The following TDP1 variants were observed in gnomAD, a reference collection of about 807,000 sequenced individuals.
TDP1 encodes the protein tyrosyl-DNA phosphodiesterase 1.
Under a neutral mutation model 81.5 loss-of-function variants are expected in TDP1, and 64 were observed. That is an observed-to-expected ratio of 0.79 (90% CI 0.64 to 0.97). The LOEUF is 0.97. Ranked by LOEUF, TDP1 falls within the 50% of genes least tolerant of loss-of-function variation. The probability of loss-of-function intolerance (pLI) is 0.00; values close to 1 mark genes in which losing one functional copy is unlikely to be tolerated. For missense variants in TDP1, 723 were observed against 743.8 expected, an observed-to-expected ratio of 0.97 and a Z score of 0.33; for synonymous variants, 256 against 264.3, an observed-to-expected ratio of 0.97 and a Z score of 0.30.
At chr14:90,038,251 T>C (rs1888015456) in intron 16 of TDP1, among the ~76,000 whole-genome samples, 1 of 152,134 alleles carries the variant, frequency 6.6e-6, no homozygotes, top group Non-Finnish European at 1.5e-5. Flanking sequence ...ATAGAAGAGG[T>C]CCTTAAAAGC....
At chr14:90,000,857 T>C (rs1371757820) in intron 14 of TDP1, among the ~76,000 whole-genome samples, 1 of 152,248 alleles carries the variant, frequency 6.6e-6, no homozygotes, top group African/African-American at 2.4e-5. Context: ...AGAAGTTCTG[T>C]ACTTTCTTGG....
intron 15 of TDP1, among the ~76,000 whole-genome samples, chr14:90,022,383 T>C (rs889124398): frequency 4.6e-5 from 7 of 152,206 alleles, no homozygotes; most frequent in Non-Finnish European, 8.8e-5. Flanking sequence ...CAGGCCCTCT[T>C]AGGGGACTCA....
chr14:90,033,950 C>T (rs1887568781), intron 16 of TDP1, among the ~76,000 whole-genome samples: 1 of 152,140 alleles, frequency 6.6e-6, no homozygotes, highest in South Asian at 2.1e-4. Context: ...GCCTGTAGTT[C>T]CAACTATTTG....
chr14:90,016,404 A>C (rs1286039409), intron 14 of TDP1, among the ~76,000 whole-genome samples: 2 of 151,954 alleles, frequency 1.3e-5, no homozygotes, highest in Non-Finnish European at 2.9e-5. Flanking sequence ...GCTGGACCTC[A>C]CACCCTCCCA....
intron 16 of TDP1, among the ~76,000 whole-genome samples, chr14:90,036,781 A>G (rs1421143013): frequency 6.6e-6 from 1 of 151,644 alleles, no homozygotes; most frequent in Non-Finnish European, 1.5e-5. Context: ...CATTTTACTA[A>G]TAGTAATTTT....
chr14:89,962,548 G>A (rs978193066), intron 2 of TDP1, among the ~76,000 whole-genome samples: 2 of 151,996 alleles, frequency 1.3e-5, no homozygotes, highest in Admixed American at 1.3e-4. Context: ...CCTTTCCTAG[G>A]ACATCTAAGA....
chr14:90,038,871 A>G (rs951776963), intron 16 of TDP1, among the ~76,000 whole-genome samples: 3 of 151,868 alleles, frequency 2.0e-5, no homozygotes, highest in African/African-American at 7.3e-5. Context: ...TTTATTTTTA[A>G]GGACCTGTTT....
chr14:90,004,672 G>A (rs1300418225), intron 14 of TDP1, among the ~76,000 whole-genome samples: 1 of 152,186 alleles, frequency 6.6e-6, no homozygotes, highest in African/African-American at 2.4e-5. Flanking sequence ...GACAGGTGTG[G>A]TCCCTGCTCT....
chr14:89,994,859 A>G (rs995631932), intron 14 of TDP1, among the ~76,000 whole-genome samples: 9 of 152,228 alleles, frequency 5.9e-5, no homozygotes, highest in Non-Finnish European at 8.8e-5. Context: ...GACAAAGGCC[A>G]TGGAGGTGGG....
At chr14:89,971,334 T>A in intron 6 of TDP1, 63 bp downstream of exon 6, 2 of 1,195,360 alleles carry the variant, frequency 1.7e-6, no homozygotes, top group Non-Finnish European at 2.5e-6. Context: ...CTTAGACATT[T>A]AGTCCACCCT....
At chr14:90,018,792 A>C (rs1041189995) in intron 14 of TDP1, 1 of 172,834 alleles carries the variant, frequency 5.8e-6, no homozygotes, top group African/African-American at 2.4e-5. Context: ...ATAAAACATC[A>C]TTCTGAATGT....
At chr14:90,040,581 T>G (rs1888263276) in intron 16 of TDP1, among the ~76,000 whole-genome samples, 1 of 152,234 alleles carries the variant, frequency 6.6e-6, no homozygotes, top group African/African-American at 2.4e-5. Context: ...ATGCATGGCT[T>G]ATTCCCCTCT....
chr14:89,999,092 T>A (rs1896974649), intron 14 of TDP1, among the ~76,000 whole-genome samples: 1 of 152,224 alleles, frequency 6.6e-6, no homozygotes, highest in Non-Finnish European at 1.5e-5. Flanking sequence ...CAGGGCACTA[T>A]TGTTATTTTG....
chr14:89,985,113 T>C lies in TDP1; in HGVS notation c.1053-19T>C. 14 of 1,586,400 alleles carry C rather than the reference T, an allele frequency of 8.8e-6. No individual in the cohort carries two copies. Among genetic ancestry groups the C allele is most frequent in the Non-Finnish European group, 1.2e-5 (14 of 1,157,376 alleles). ...GCACATCACTATATTTTATAACTTG[T>C]GTTTTTATGTCTTTTTAGTGTTTAT... is the stretch of plus-strand genomic sequence containing the variant. On this transcript the variant is annotated intron_variant, in intron 9 of 16. Transcript: ENST00000335725.
chr14:89,987,613 G>A lies in TDP1; in HGVS notation c.1132-1292G>A, dbSNP rs573383752. Among the ~76,000 whole-genome samples, 4 of 152,200 alleles carry A rather than the reference G, an allele frequency of 2.6e-5. No homozygotes were observed. In the South Asian group the frequency reaches 8.3e-4, roughly 32 times the overall value. ...TTTGGTCTCTTCCTGGGCAGAACTA[G>A]GTTGTAAAGATGGCTGAAACTCTCC... On this transcript the variant is annotated intron_variant, in intron 10 of 16. Coordinates refer to ENST00000335725, the MANE Select transcript of TDP1 (RefSeq NM_018319.4).
chr14:89,983,202 G>T (rs1273693177), intron 8 of TDP1: 3 of 454,096 alleles, frequency 6.6e-6, no homozygotes, highest in Non-Finnish European at 1.3e-5. Context: ...GGTCCTCCAC[G>T]TCTGTCCAGC....
intron 14 of TDP1, among the ~76,000 whole-genome samples, chr14:90,013,752 T>A (rs1000552172): frequency 6.6e-6 from 1 of 152,192 alleles, no homozygotes; most frequent in South Asian, 2.1e-4. Context: ...TGGGAGATAA[T>A]TAAATCTTAG....
chr14:90,020,534 T>TTCCC (rs1885901373), intron 15 of TDP1, among the ~76,000 whole-genome samples: 1 of 21,340 alleles, frequency 4.7e-5, no homozygotes, highest in Non-Finnish European at 7.3e-5. Flanking sequence ...CCTCCCTTCC[T>TTCCC]TCCCTCCCTC....
At position 89,991,574 on chromosome 14, in the gene TDP1, G is replaced by A. The variant is rs191304244; in HGVS notation, c.1367-343G>A. The A allele has an allele frequency of 1.1e-5, 11 of 984,940 alleles. No homozygotes were observed. The East Asian group carries it at 5.7e-4, about 51-fold the overall frequency. 61.0% of individuals were successfully genotyped at this position (984,940 alleles called of 1,614,324 possible). Reference sequence around the variant, plus strand: ...AATGGGTTTCTAAAAAGTGATTAGCGAGTTGTCATTAGTTTTCAGTATGTT... The same window carrying A: ...AATGGGTTTCTAAAAAGTGATTAGCAAGTTGTCATTAGTTTTCAGTATGTT... On this transcript the variant is annotated intron_variant, in intron 12 of 16. Transcript: ENST00000335725.
Sources: gnomAD v4.1 joint callset for allele counts (sites outside exome capture counted in the v4.1 genomes callset) on GRCh38, gnomAD v4.1.1 for gene constraint, MANE v1.5 for transcripts, NCBI Gene and HGNC (gene_info 2026-07-23, HGNC 2026-07-21) for gene names.